Variants in DCAF5 observed in about 807,000 individuals in gnomAD.
DCAF5 encodes DDB1 and CUL4 associated factor 5, also known as DDB1- and CUL4-associated factor 5.
Under a neutral mutation model 80.7 loss-of-function variants are expected in DCAF5, and 9 were observed. The ratio of observed to expected loss-of-function variants is 0.11; its 90% CI spans 0.07 to 0.19. DCAF5 has a LOEUF of 0.19. DCAF5 is among the 10% of genes least tolerant of loss of function. The pLI, the probability that DCAF5 is intolerant of heterozygous loss-of-function variation, is 1.00. For missense variants in DCAF5, 842 were observed against 1,205.7 expected, an observed-to-expected ratio of 0.70 and a Z score of 4.47; for synonymous variants, 433 against 461.9, an observed-to-expected ratio of 0.94 and a Z score of 0.80.
chr14:69,140,963 G>A (rs570977082), intron 1 of DCAF5, among the ~76,000 whole-genome samples: 16 of 151,820 alleles, frequency 1.1e-4, no homozygotes, highest in African/African-American at 3.4e-4. Context: ...GTGAAACCCC[G>A]TCTTTACTAA....
intron 7 of DCAF5, among the ~76,000 whole-genome samples, chr14:69,072,558 G>T (rs1393465263): frequency 6.8e-6 from 1 of 147,268 alleles, no homozygotes; most frequent in Non-Finnish European, 1.5e-5. Context: ...TATGCAGTAT[G>T]CTATGATTGT....
rs141027118 is a variant in DCAF5 at position 69,075,443 on chromosome 14, A to C, written c.880-32T>G. ...GAACAAAAAATATATAGATAACATT[A>C]TATATTATAATATAGAATAAATACA... On this transcript the variant is annotated intron_variant, in intron 6 of 8. Coordinates refer to ENST00000341516, the MANE Select transcript of DCAF5 (RefSeq NM_003861.3). The C allele has an allele frequency of 1.6e-3, 2,118 of 1,287,588 alleles. 21 individuals carry two copies. In the African/African-American group the frequency reaches 0.027, roughly 16 times the overall value. 79.8% of individuals were successfully genotyped at this position (1,287,588 alleles called of 1,614,324 possible).
rs2037855257 is a variant in DCAF5, at chr14:69,054,108, A to G, written c.2578T>C (p.Ser860Pro). 1.2e-6 allele frequency: 2 copies of G among 1,614,104 alleles called. No individual in the cohort carries two copies. Among genetic ancestry groups the G allele is most frequent in the African/African-American group, 1.3e-5 (1 of 74,942 alleles). Residue 860 changes from serine to proline, a missense_variant, in exon 9 of 9, where the codon TCT (serine) becomes CCT (proline). Ser to Pro is a moderately conservative substitution (Grantham distance 74). Around this residue, in one of 5 missense-constraint regions of DCAF5, gnomAD observed 607 missense variants for 656.6 expected, o/e 0.92. Coordinates refer to ENST00000341516, the MANE Select transcript of DCAF5 (RefSeq NM_003861.3). ...NLGELEVVAY[S>P]SPGHSDTDRD... Reference sequence around the variant, plus strand: ...TCAGTGTCTGAGTGTCCTGGGGAAGAGTAGGCCACCACCTCCAGCTCCCCC... The same window carrying G: ...TCAGTGTCTGAGTGTCCTGGGGAAGGGTAGGCCACCACCTCCAGCTCCCCC...
intron 5 of DCAF5, among the ~76,000 whole-genome samples, chr14:69,098,102 C>G (rs1416061732): frequency 6.6e-6 from 1 of 151,766 alleles, no homozygotes; most frequent in African/African-American, 2.4e-5. Flanking sequence ...GACAATACCC[C>G]CTACCCTCAT....
chr14:69,085,523 C>A (rs943445955), intron 6 of DCAF5: 2 of 295,690 alleles, frequency 6.8e-6, no homozygotes, highest in Non-Finnish European at 1.3e-5. Context: ...CGGTTGCAAG[C>A]ACTGAACACT....
intron 5 of DCAF5, among the ~76,000 whole-genome samples, chr14:69,103,044 A>G (rs1304889826): frequency 6.6e-6 from 1 of 152,202 alleles, no homozygotes; most frequent in East Asian, 1.9e-4. Context: ...TTTCAGCTCC[A>G]TTATAATCTT....
chr14:69,131,831 T>C (rs1026381765), intron 1 of DCAF5, among the ~76,000 whole-genome samples: 1 of 151,878 alleles, frequency 6.6e-6, no homozygotes, highest in African/African-American at 2.4e-5. Flanking sequence ...CATTCACATT[T>C]TCATATCGTT....
chr14:69,143,363 G>A (rs2041430674), intron 1 of DCAF5, among the ~76,000 whole-genome samples: 1 of 152,044 alleles, frequency 6.6e-6, no homozygotes, highest in Non-Finnish European at 1.5e-5. Flanking sequence ...CATAAACCAT[G>A]GGAGCTTTCA....
chr14:69,118,281 G>A lies in DCAF5; in HGVS notation c.396-3C>T, dbSNP rs1272661313. 1.2e-6 allele frequency: 2 copies of A among 1,613,446 alleles called. No homozygotes were observed. Among genetic ancestry groups the A allele is most frequent in the African/African-American group, 2.7e-5 (2 of 74,876 alleles). ...CAAACACGTCCAATGTCTCACTGCT[G>A]GGAGATAAGAGAGCAAGACAGAGGC... On this transcript the variant is annotated splice_region_variant and splice_polypyrimidine_tract_variant and intron_variant, in intron 3 of 8. Coordinates refer to ENST00000341516, the MANE Select transcript of DCAF5 (RefSeq NM_003861.3). This position sits in a 1 kb window ranked among gnomAD's most constrained non-coding sequence, Gnocchi z 4.0.
chr14:69,118,091 A>AG lies in DCAF5; in HGVS notation c.535+47_535+48insC. The stretch of plus-strand genomic sequence containing the variant: ...AAATTGGATCTTCAATGAATCTGAC[A>AG]TCAAACTGTTCAACACAGTCCAACA... On this transcript the variant is annotated intron_variant, in intron 4 of 8. Coordinates refer to ENST00000341516, the MANE Select transcript of DCAF5 (RefSeq NM_003861.3). This position sits in a 1 kb window ranked among gnomAD's most constrained non-coding sequence, Gnocchi z 4.0. 6.2e-7 allele frequency: 1 copy of AG among 1,607,102 alleles called. No individual in the cohort carries two copies. Among genetic ancestry groups the AG allele is most frequent in the South Asian group, 1.1e-5 (1 of 90,688 alleles).
intron 5 of DCAF5, among the ~76,000 whole-genome samples, chr14:69,114,665 A>C (rs926752377): frequency 6.6e-6 from 1 of 152,182 alleles, no homozygotes; most frequent in Non-Finnish European, 1.5e-5. Context: ...TAATCTGGAG[A>C]TGGAACTTGT....
chr14:69,134,575 T>C (rs1163887945), intron 1 of DCAF5, among the ~76,000 whole-genome samples: 1 of 152,198 alleles, frequency 6.6e-6, no homozygotes, highest in Non-Finnish European at 1.5e-5. Flanking sequence ...TAGGGAATAA[T>C]CTCAAGAGAA....
chr14:69,054,461 C>A lies in DCAF5; in HGVS notation c.2225G>T (p.Ser742Ile). 6.2e-7 allele frequency: 1 copy of A among 1,614,056 alleles called. No homozygotes were observed. The highest frequency in any genetic ancestry group is 8.5e-7 in the Non-Finnish European group (1 of 1,180,016). Residue 742 changes from serine (S) to isoleucine (I), a missense_variant, in exon 9 of 9, where the codon AGC becomes ATC. This residue lies in a region of DCAF5 where 607 missense variants were observed against 656.6 expected (regional missense o/e 0.92). Coordinates refer to ENST00000341516, the MANE Select transcript of DCAF5 (RefSeq NM_003861.3). Reference protein sequence around the residue: ...TFKEETPRTPSNGPGHEHSSH... With the variant: ...TFKEETPRTPINGPGHEHSSH... ...GCTGTGCTCATGGCCTGGGCCATTG[C>A]TGGGAGTTCTAGGAGTCTCTTCTTT...
chr14:69,152,838 C>G lies in DCAF5; in HGVS notation c.141G>C (p.Lys47Asn). 1 of 1,614,132 alleles carries G rather than the reference C, an allele frequency of 6.2e-7. No individual in the cohort carries two copies. The highest frequency in any genetic ancestry group is 8.5e-7 in the Non-Finnish European group (1 of 1,180,002). Residue 47 changes from lysine (K) to asparagine (N), a missense_variant, in exon 1 of 9, where the codon AAG (lysine) becomes AAC (asparagine). Physicochemically the swap from Lys to Asn is moderately conservative, Grantham distance 94. This residue lies in a region of DCAF5 where 142 missense variants were observed against 311.9 expected (regional missense o/e 0.46). Coordinates refer to ENST00000341516, the MANE Select transcript of DCAF5 (RefSeq NM_003861.3). The surrounding 1 kb of genome is among the most constrained non-coding windows in gnomAD (Gnocchi z 4.1). ...CACAGCCGAAGTGGCCGAGGAGGTCCTTCTTGTAGAGGTTTCTGCAGCCCC... is the reference window on the plus strand; with the variant it reads ...CACAGCCGAAGTGGCCGAGGAGGTCGTTCTTGTAGAGGTTTCTGCAGCCCC... The part of the protein sequence containing the change: ...RLRGCRNLYK[K>N]DLLGHFGCVN...
At chr14:69,084,772 GACC>G in intron 6 of DCAF5, 2 of 1,131,744 alleles carry the variant, frequency 1.8e-6, no homozygotes, top group South Asian at 2.7e-5. Flanking sequence ...ATAAGCATAC[GACC>G]ACATTCTTCC....
chr14:69,135,114 T>C (rs1163018069), intron 1 of DCAF5, among the ~76,000 whole-genome samples: 1 of 152,240 alleles, frequency 6.6e-6, no homozygotes, highest in Non-Finnish European at 1.5e-5. Flanking sequence ...TCTCGAAGTG[T>C]GTCCCATGGA....
At chr14:69,077,741 T>TA (rs1359963532) in intron 6 of DCAF5, among the ~76,000 whole-genome samples, 1 of 152,066 alleles carries the variant, frequency 6.6e-6, no homozygotes, top group Non-Finnish European at 1.5e-5. Context: ...CCAAAAAGTG[T>TA]AAGTCCAACA....
intron 1 of DCAF5, among the ~76,000 whole-genome samples, chr14:69,129,601 A>C (rs902145659): frequency 6.6e-6 from 1 of 152,228 alleles, no homozygotes; most frequent in Non-Finnish European, 1.5e-5. Context: ...TTTATTGTTT[A>C]GTTCCACAGA....
At chr14:69,077,365 C>CTTATTTATTTAT (rs71953676) in intron 6 of DCAF5, among the ~76,000 whole-genome samples, 7,441 of 143,964 alleles carry the variant, frequency 0.052, 280 homozygotes, top group African/African-American at 0.087. Context: ...CGACATGTAG[C>CTTATTTATTTAT]TTATTTATTT....
Sources: gnomAD v4.1 joint callset for allele counts (sites outside exome capture counted in the v4.1 genomes callset) on GRCh38, gnomAD v4.1.1 for gene constraint, gnomAD v4.1.1 regional missense constraint, Gnocchi (gnomAD v3.1) non-coding constraint, MANE v1.5 for transcripts, NCBI Gene and HGNC (gene_info 2026-07-23, HGNC 2026-07-21) for gene names.